The following RPS6KA2 variants were observed in gnomAD, a reference collection of about 807,000 sequenced individuals.
RPS6KA2 encodes the protein ribosomal protein S6 kinase A2, also known as ribosomal protein S6 kinase alpha-2.
Under a neutral mutation model 91.8 loss-of-function variants are expected in RPS6KA2, and 42 were observed. The ratio of observed to expected loss-of-function variants is 0.46; its 90% CI spans 0.36 to 0.59. The LOEUF (loss-of-function observed/expected upper bound fraction) is 0.59, where lower values mean the gene tolerates loss of function less well. RPS6KA2 is among the 20% of genes least tolerant of loss of function. The probability of loss-of-function intolerance (pLI) is 0.00; values close to 1 mark genes in which losing one functional copy is unlikely to be tolerated. For synonymous variants in RPS6KA2, 414 were observed against 393.6 expected (o/e 1.05, Z -0.61); for missense variants, 798 against 978.5 (o/e 0.82, Z 2.46).
intron 2 of RPS6KA2, among the ~76,000 whole-genome samples, chr6:166,637,700 T>C (rs1787293180): frequency 6.6e-6 from 1 of 152,242 alleles, no homozygotes; most frequent in Non-Finnish European, 1.5e-5. Context: ...AAGGGGGCGT[T>C]TGTCCCACTG....
At chr6:166,652,257 G>A (rs758250135) in intron 2 of RPS6KA2, among the ~76,000 whole-genome samples, 8 of 152,150 alleles carry the variant, frequency 5.3e-5, no homozygotes, top group Non-Finnish European at 1.0e-4. Context: ...CCAAGCACTC[G>A]CTTCACTGTG....
chr6:166,511,894 C>T (rs755985429), intron 3 of RPS6KA2, among the ~76,000 whole-genome samples: 2 of 152,114 alleles, frequency 1.3e-5, no homozygotes, highest in African/African-American at 2.4e-5. Flanking sequence ...CTTGGTAGTT[C>T]CTTACAAAGA....
At chr6:166,689,109 C>T (rs1025944761) in intron 2 of RPS6KA2, among the ~76,000 whole-genome samples, 2 of 152,276 alleles carry the variant, frequency 1.3e-5, no homozygotes, top group Admixed American at 6.5e-5. Flanking sequence ...GTGAGCAGGG[C>T]TCTGGCCGCC....
chr6:166,696,053 C>A (rs1005235118), intron 2 of RPS6KA2, among the ~76,000 whole-genome samples: 1 of 152,330 alleles, frequency 6.6e-6, no homozygotes, highest in East Asian at 1.9e-4. Flanking sequence ...GCACTCCCCC[C>A]TCTTCCACGG....
chr6:166,628,068 G>C (rs1157355386), upstream of RPS6KA2: 3 of 152,342 alleles, frequency 2.0e-5, no homozygotes, highest in African/African-American at 7.2e-5. Context: ...AGCCGGTCCC[G>C]CTCTAGGAAA....
rs1223921406 is a variant in RPS6KA2, at chr6:166,410,093, C to G, written c.*2669G>C. 1.3e-5 allele frequency: 2 copies of G among 150,230 alleles called. No homozygotes were observed. Among genetic ancestry groups the G allele is most frequent in the African/African-American group, 4.9e-5 (2 of 40,598 alleles). The allele number at this position is 150,230 out of a possible 1,614,324, so 9.3% of individuals were successfully genotyped here. ...AAGGAGGACCCTATAGGGTGGCCAG[C>G]AAGGGGCCACTGGCGGTAGGTCAGG... On this transcript the variant is annotated 3_prime_UTR_variant, in exon 21 of 21. Coordinates refer to ENST00000265678, the MANE Select transcript of RPS6KA2 (RefSeq NM_021135.6).
chr6:166,490,757 G>C lies in RPS6KA2; in HGVS notation c.748-16C>G, dbSNP rs574985945. 3 of 1,600,774 alleles carry C rather than the reference G, an allele frequency of 1.9e-6. No homozygotes were observed. Among genetic ancestry groups the C allele is most frequent in the Non-Finnish European group, 2.6e-6 (3 of 1,169,500 alleles). ...GCATCTCAAACTGCAGAGCAACACAGAGCACAGTGAGTTCATTCATCCAGA... is the reference window on the plus strand; with the variant it reads ...GCATCTCAAACTGCAGAGCAACACACAGCACAGTGAGTTCATTCATCCAGA... On this transcript the variant is annotated splice_polypyrimidine_tract_variant and intron_variant, in intron 8 of 20. Coordinates refer to ENST00000265678, the MANE Select transcript of RPS6KA2 (RefSeq NM_021135.6). The surrounding 1 kb of genome is among the most constrained non-coding windows in gnomAD (Gnocchi z 4.2).
In RPS6KA2 at chr6:166,509,673, T is replaced by G. The variant is rs180750741; in HGVS notation, c.379+604A>C. Among the ~76,000 whole-genome samples, 3 of 152,360 alleles carry G rather than the reference T, an allele frequency of 2.0e-5. No homozygotes were observed. In the East Asian group the frequency reaches 5.8e-4, roughly 29 times the overall value. ...ATAAGCCATGAATCTGCAGCCACCA[T>G]CTCATCACATCTTTTTTAAATTTGA... is the stretch of plus-strand genomic sequence containing the variant. On this transcript the variant is annotated intron_variant, in intron 4 of 20. Transcript: ENST00000265678.
intron 1 of RPS6KA2, among the ~76,000 whole-genome samples, chr6:166,552,868 G>A (rs746128750): frequency 3.9e-5 from 6 of 152,216 alleles, no homozygotes; most frequent in Non-Finnish European, 7.3e-5. Context: ...CGATAACCAC[G>A]CTGGTCCCTG....
intron 1 of RPS6KA2, among the ~76,000 whole-genome samples, chr6:166,572,974 A>G (rs1291652303): frequency 6.6e-6 from 1 of 152,220 alleles, no homozygotes; most frequent in Non-Finnish European, 1.5e-5. Context: ...GGAGCGGAGC[A>G]CAGGAAAGGA....
intron 2 of RPS6KA2, among the ~76,000 whole-genome samples, chr6:166,664,740 G>C (rs1308155327): frequency 1.3e-5 from 2 of 152,224 alleles, no homozygotes; most frequent in East Asian, 3.9e-4. Context: ...AGAACCTACT[G>C]AGCAAGAAAA....
intron 1 of RPS6KA2, among the ~76,000 whole-genome samples, chr6:166,553,965 G>T (rs1342447331): frequency 2.0e-5 from 3 of 152,140 alleles, no homozygotes; most frequent in Non-Finnish European, 4.4e-5. Flanking sequence ...GTCAAAGTCT[G>T]TTCATGGGAA....
intron 2 of RPS6KA2, among the ~76,000 whole-genome samples, chr6:166,742,565 G>A (rs555037080): frequency 4.6e-5 from 7 of 152,138 alleles, no homozygotes; most frequent in Non-Finnish European, 7.4e-5. Context: ...CTCTCCCTGC[G>A]GTGGCCACGG....
chr6:166,509,449 C>T (rs767372800), intron 4 of RPS6KA2: 2 of 169,336 alleles, frequency 1.2e-5, no homozygotes, highest in Non-Finnish European at 2.9e-5. Flanking sequence ...ACTGCGCTGC[C>T]CACGGCCGAG....
At position 166,418,880 on chromosome 6, in the gene RPS6KA2, C is replaced by T. The variant is rs536546602; in HGVS notation, c.1821-538G>A. ...TCCCACCTTAAAACACACCCACACA[C>T]TCCTAGGAAAGGAAGGACACGTGTG... On this transcript the variant is annotated intron_variant, in intron 18 of 20. Coordinates refer to ENST00000265678, the MANE Select transcript of RPS6KA2 (RefSeq NM_021135.6). This position sits in a 1 kb window ranked among gnomAD's most constrained non-coding sequence, Gnocchi z 4.9. 1.1e-3 allele frequency among the ~76,000 whole-genome samples: 171 copies of T among 152,346 alleles called. No individual in the cohort carries two copies. Among genetic ancestry groups the T allele is most frequent in the African/African-American group, 4.1e-3 (170 of 41,584 alleles).
intron 2 of RPS6KA2, chr6:166,702,401 T>A: frequency 6.2e-7 from 1 of 1,606,086 alleles, no homozygotes; most frequent in Non-Finnish European, 8.5e-7. Context: ...ATTCTCTAAC[T>A]GAAATCCATT....
chr6:166,543,721 T>C (rs184821165), intron 1 of RPS6KA2, among the ~76,000 whole-genome samples: 3 of 152,326 alleles, frequency 2.0e-5, no homozygotes, highest in African/African-American at 7.2e-5. Flanking sequence ...ACCATGTGAA[T>C]AAACACTGAC....
At chr6:166,772,185 C>T (rs1178206423) in intron 2 of RPS6KA2, among the ~76,000 whole-genome samples, 1 of 150,978 alleles carries the variant, frequency 6.6e-6, no homozygotes, top group East Asian at 1.9e-4. Flanking sequence ...CCCCTCCTGG[C>T]AAGCACTCCC....
At chr6:166,848,241 T>G (rs1780654876) in intron 2 of RPS6KA2, among the ~76,000 whole-genome samples, 1 of 152,046 alleles carries the variant, frequency 6.6e-6, no homozygotes, top group Admixed American at 6.6e-5. Flanking sequence ...GCCCATAATT[T>G]AAAAAATCAA....
Sources: gnomAD v4.1 joint callset for allele counts (sites outside exome capture counted in the v4.1 genomes callset) on GRCh38, gnomAD v4.1.1 for gene constraint, Gnocchi (gnomAD v3.1) non-coding constraint, MANE v1.5 for transcripts, NCBI Gene and HGNC (gene_info 2026-07-23, HGNC 2026-07-21) for gene names.